S100A2: variants seen among roughly 807,000 people sequenced by gnomAD.
S100A2 encodes protein S100-A2.
S100A2 carries 5 observed loss-of-function variants against 4.3 expected under a neutral mutation model. That is an observed-to-expected ratio of 1.16 (90% CI 0.61 to 2.44). The LOEUF is 2.44. S100A2 is among the 30% of genes most tolerant of loss of function. The pLI is 0.01. For missense variants in S100A2, 103 were observed against 114.7 expected, an observed-to-expected ratio of 0.90 and a Z score of 0.47; for synonymous variants, 44 against 46.0, an observed-to-expected ratio of 0.96 and a Z score of 0.17.
rs1174798172 is a variant in S100A2, at chr1:153,561,244, G to T, written c.*195C>A. The T allele has an allele frequency of 5.3e-6, 3 of 569,852 alleles. No individual in the cohort carries two copies. The African/African-American group carries it at 5.8e-5, about 11-fold the overall frequency. 35.3% of individuals were successfully genotyped at this position (569,852 alleles called of 1,614,324 possible). A position where few individuals can be genotyped will look rare whatever the true frequency, so the allele number is the denominator to read the frequency against. On this transcript the variant is annotated 3_prime_UTR_variant, in exon 3 of 3. Transcript: ENST00000368708. ...TGGCCTTGGAGAGATTTCCAGGAGA[G>T]TCAGAGCCCAGAAGGGAGCAGGATC...
intron 2 of S100A2, chr1:153,563,379 A>T: frequency 6.6e-7 from 1 of 1,526,568 alleles, no homozygotes; most frequent in Admixed American, 2.2e-5. Context: ...TCTCAAAAAA[A>T]AAAAAAAGAA....
chr1:153,563,675 A>G, intron 2 of S100A2, 59 bp downstream of exon 2: 1 of 1,592,984 alleles, frequency 6.3e-7, no homozygotes, highest in Non-Finnish European at 8.6e-7. Flanking sequence ...TGGGGGAGAG[A>G]TTTAACCTGC....
chr1:153,563,716 C>G lies in S100A2; in HGVS notation c.144+18G>C. On this transcript the variant is annotated intron_variant, in intron 2 of 2. Transcript: ENST00000368708. ...CACACTCACACCAGGACCTCCCCCA[C>G]AGGCCTGTGCCACTCACCCCCACAA... The G allele has an allele frequency of 1.9e-6, 3 of 1,607,422 alleles. No individual in the cohort carries two copies. Among genetic ancestry groups the G allele is most frequent in the Non-Finnish European group, 2.6e-6 (3 of 1,176,450 alleles).
chr1:153,563,574 G>C, intron 2 of S100A2, 160 bp downstream of exon 2: 2 of 1,552,720 alleles, frequency 1.3e-6, no homozygotes. Flanking sequence ...CTCCCACTCG[G>C]GCCTCATTTC....
chr1:153,565,075 G>A (rs1408881766), intron 1 of S100A2, among the ~76,000 whole-genome samples: 1 of 151,636 alleles, frequency 6.6e-6, no homozygotes, highest in African/African-American at 2.4e-5. Context: ...ACTTTGGGAG[G>A]CCGAGATGGG....
At chr1:153,563,391 A>T in intron 2 of S100A2, 1 of 1,522,584 alleles carries the variant, frequency 6.6e-7, no homozygotes, top group Non-Finnish European at 8.8e-7. Context: ...AAAAAAGAAA[A>T]GAAAAGAGAG....
intron 2 of S100A2, among the ~76,000 whole-genome samples, chr1:153,563,217 C>G (rs1393696170): frequency 1.3e-5 from 2 of 151,868 alleles, no homozygotes; most frequent in East Asian, 1.9e-4. Context: ...ACTAAAAATA[C>G]AAAAATTAGC....
At chr1:153,562,520 G>GA in intron 2 of S100A2, among the ~76,000 whole-genome samples, 1 of 152,274 alleles carries the variant, frequency 6.6e-6, no homozygotes, top group East Asian at 1.9e-4. Context: ...AAAAAGGAAA[G>GA]AAGGACCTGC....
chr1:153,563,423 T>C (rs955186441), intron 2 of S100A2: 2 of 1,550,226 alleles, frequency 1.3e-6, no homozygotes, highest in South Asian at 1.2e-5. Flanking sequence ...GCCAGTGCTG[T>C]GTGATCTTGG....
chr1:153,563,297 T>A, intron 2 of S100A2: 1 of 1,021,850 alleles, frequency 9.8e-7, no homozygotes, highest in East Asian at 2.7e-5. Context: ...GCTTGACCCC[T>A]GGAGGCAGAG....
chr1:153,563,422 G>C (rs768784181), intron 2 of S100A2: 2 of 1,550,170 alleles, frequency 1.3e-6, no homozygotes, highest in South Asian at 2.4e-5. Context: ...TGCCAGTGCT[G>C]TGTGATCTTG....
chr1:153,563,970 C>A (rs898933685), intron 1 of S100A2, 83 bp from the exon 2 acceptor site: 6 of 1,394,916 alleles, frequency 4.3e-6, no homozygotes, highest in Middle Eastern at 1.9e-4. Context: ...CTGCCCTATG[C>A]CCCCAAGCCA....
intron 2 of S100A2, 134 bp downstream of exon 2, chr1:153,563,600 A>G: frequency 1.3e-6 from 2 of 1,558,476 alleles, no homozygotes; most frequent in Non-Finnish European, 1.7e-6. Flanking sequence ...CAGTGGAGCC[A>G]TGAAGCTAAA....
chr1:153,564,325 A>C (rs1346724207), intron 1 of S100A2: 1 of 154,688 alleles, frequency 6.5e-6, no homozygotes, highest in Non-Finnish European at 1.4e-5. Context: ...TAGGAGCAGG[A>C]AGCTCCCTGA....
At position 153,565,782 on chromosome 1, in the gene S100A2, A is replaced by G. The variant is rs1322438514; in HGVS notation, c.-287T>C. On this transcript the variant is annotated 5_prime_UTR_variant, in exon 1 of 3. Coordinates refer to ENST00000368708, the MANE Select transcript of S100A2 (RefSeq NM_005978.4). ...TGAGCCCACCCAGGCCACAGTGGGA[A>G]GTGGGAGGTGTCGTGGGGACTGGGC... 1 of 152,392 alleles carries G rather than the reference A, an allele frequency of 6.6e-6. No homozygotes were observed. Among genetic ancestry groups the G allele is most frequent in the Non-Finnish European group, 1.5e-5 (1 of 68,198 alleles). The allele number at this position is 152,392 out of a possible 1,614,324, so 9.4% of individuals were successfully genotyped here.
At chr1:153,563,947 G>A in intron 1 of S100A2, 60 bp from the exon 2 acceptor site, 1 of 1,549,722 alleles carries the variant, frequency 6.5e-7, no homozygotes, top group Middle Eastern at 1.7e-4. Flanking sequence ...AGCTCAGCCT[G>A]TAGGATCCAC....
chr1:153,563,139 C>T (rs1276581015), intron 2 of S100A2, among the ~76,000 whole-genome samples: 4 of 151,380 alleles, frequency 2.6e-5, no homozygotes, highest in East Asian at 1.9e-4. Context: ...TTTGGGAAGC[C>T]GAGGCAGGTA....
At position 153,565,330 on chromosome 1, in the gene S100A2, A is replaced by C. The variant is rs1665985739; in HGVS notation, c.-11+176T>G. Reference sequence around the variant, plus strand: ...CCATCTCAAAAAAAAAAAAAAAAAAAAAAAACCCTTCAGTCAACACTTCAG... The same window carrying C: ...CCATCTCAAAAAAAAAAAAAAAAAACAAAAACCCTTCAGTCAACACTTCAG... On this transcript the variant is annotated intron_variant, in intron 1 of 2. Coordinates refer to ENST00000368708, the MANE Select transcript of S100A2 (RefSeq NM_005978.4). Among the ~76,000 whole-genome samples, 3 of 151,446 alleles carry C rather than the reference A, an allele frequency of 2.0e-5. No individual in the cohort carries two copies. In the South Asian group the frequency reaches 6.2e-4, roughly 32 times the overall value.
chr1:153,564,149 C>A (rs967737205), intron 1 of S100A2: 1 of 391,816 alleles, frequency 2.6e-6, no homozygotes, highest in Non-Finnish European at 4.6e-6. Flanking sequence ...TGGGACACCC[C>A]CCTGAGGGCA....
Sources: gnomAD v4.1 joint callset for allele counts (sites outside exome capture counted in the v4.1 genomes callset) on GRCh38, gnomAD v4.1.1 for gene constraint, MANE v1.5 for transcripts, NCBI Gene and HGNC (gene_info 2026-07-23, HGNC 2026-07-21) for gene names.